Variants in SEMA4A observed in about 807,000 individuals in gnomAD.
The protein encoded by SEMA4A is semaphorin 4A.
Under a neutral mutation model 72.5 loss-of-function variants are expected in SEMA4A, and 52 were observed. The ratio of observed to expected loss-of-function variants is 0.72; its 90% CI spans 0.57 to 0.90. The LOEUF is 0.90. Among genes scored for constraint, SEMA4A ranks in the 40% least tolerant of loss-of-function variants. The probability of loss-of-function intolerance (pLI) is 0.00; values close to 1 mark genes in which losing one functional copy is unlikely to be tolerated. For missense variants in SEMA4A, 926 were observed against 959.7 expected (o/e 0.96, Z 0.46); for synonymous variants, 369 against 393.1 (o/e 0.94, Z 0.73).
At position 156,176,643 on chromosome 1, in the gene SEMA4A, C is replaced by A; in HGVS notation, c.1932C>A (p.Asp644Glu). 6.2e-7 allele frequency: 1 copy of A among 1,614,198 alleles called. No homozygotes were observed. The highest frequency in any genetic ancestry group is 8.5e-7 in the Non-Finnish European group (1 of 1,180,032). The stretch of plus-strand genomic sequence containing the variant: ...TCTCCTACTGGGTGGACAGCCAGGA[C>A]CAGACCCTGGCCCTGGATCCTGAAC... ...PVISYWVDSQ[D>E]QTLALDPELA... Residue 644 changes from aspartate (D) to glutamate (E), a missense_variant, in exon 15 of 15, where the codon GAC (aspartate) becomes GAA (glutamate). Transcript: ENST00000368285.
At position 156,175,561 on chromosome 1, in the gene SEMA4A, C is replaced by A. The variant is rs1655241607; in HGVS notation, c.1598C>A (p.Ser533Tyr). ...TACTTTCTCTGCTCTCTTAGGAACT[C>A]CTGGAAGCAGGACATGGAGCGGGGG... is the stretch of plus-strand genomic sequence containing the variant. Reference protein sequence around the residue: ...CCLLSAPNLNSWKQDMERGNP... With the variant: ...CCLLSAPNLNYWKQDMERGNP... Residue 533 changes from serine to tyrosine, a missense_variant, in exon 14 of 15, where the codon TCC (serine) becomes TAC (tyrosine). Coordinates refer to ENST00000368285, the MANE Select transcript of SEMA4A (RefSeq NM_022367.4). 1 of 1,612,876 alleles carries A rather than the reference C, an allele frequency of 6.2e-7. No homozygotes were observed. Among genetic ancestry groups the A allele is most frequent in the East Asian group, 2.2e-5 (1 of 44,872 alleles).
intron 10 of SEMA4A, among the ~76,000 whole-genome samples, chr1:156,166,977 A>C: frequency 6.6e-6 from 1 of 151,952 alleles, no homozygotes; most frequent in East Asian, 1.9e-4. Context: ...GTTTCTGCCA[A>C]ACAGTCTCGA....
chr1:156,158,334 G>T, intron 4 of SEMA4A, 54 bp from the exon 5 acceptor site: 1 of 1,451,312 alleles, frequency 6.9e-7, no homozygotes, highest in South Asian at 1.1e-5. Flanking sequence ...GCCTCTGGGG[G>T]TCCAGCAATT....
Position 156,154,732 on chromosome 1 carries a change from G to A in SEMA4A, c.139+15G>A. On this transcript the variant is annotated intron_variant, in intron 2 of 14. Coordinates refer to ENST00000368285, the MANE Select transcript of SEMA4A (RefSeq NM_022367.4). ...ATACTATGCAGGTAAGTGTCCGACA[G>A]CAGGAAGTGTGGGGATAGCAATAGA... is the stretch of plus-strand genomic sequence containing the variant. The A allele has an allele frequency of 6.4e-7, 1 of 1,574,470 alleles. No homozygotes were observed. The highest frequency in any genetic ancestry group is 1.2e-5 in the South Asian group (1 of 86,128).
At chr1:156,172,092 G>GTTTATTTA (rs778643587) in intron 10 of SEMA4A, among the ~76,000 whole-genome samples, 47 of 143,954 alleles carry the variant, frequency 3.3e-4, no homozygotes, top group East Asian at 1.2e-3. Flanking sequence ...CTGTTTGTTT[G>GTTTATTTA]TTTGTTTATT....
In SEMA4A at chr1:156,175,546, G is replaced by A. The variant is rs1373506850; in HGVS notation, c.1593-10G>A. The A allele has an allele frequency of 1.9e-6, 3 of 1,605,668 alleles. No individual in the cohort carries two copies. In the East Asian group the frequency reaches 6.7e-5, roughly 36 times the overall value. ...TTGAAGGATAATTTTTACTTTCTCT[G>A]CTCTCTTAGGAACTCCTGGAAGCAG... On this transcript the variant is annotated splice_polypyrimidine_tract_variant and intron_variant, in intron 13 of 14. Transcript: ENST00000368285.
At position 156,176,726 on chromosome 1, in the gene SEMA4A, C is replaced by A; in HGVS notation, c.2015C>A (p.Ala672Asp). Reference protein sequence around the residue: ...KVPLTRVSGGAALAAQQSYWP... With the variant: ...KVPLTRVSGGDALAAQQSYWP... Reference sequence around the variant, plus strand: ...CCGTTGACCAGGGTCAGTGGTGGGGCCGCCCTGGCTGCCCAGCAGTCCTAC... The same window carrying A: ...CCGTTGACCAGGGTCAGTGGTGGGGACGCCCTGGCTGCCCAGCAGTCCTAC... Residue 672 changes from alanine to aspartate, a missense_variant, in exon 15 of 15, where the codon GCC (alanine) becomes GAC (aspartate). Transcript: ENST00000368285. 6.2e-7 allele frequency: 1 copy of A among 1,613,254 alleles called. No homozygotes were observed. The highest frequency in any genetic ancestry group is 1.3e-5 in the African/African-American group (1 of 75,042).
chr1:156,156,119 G>A (rs1360238229), intron 2 of SEMA4A: 2 of 413,596 alleles, frequency 4.8e-6, no homozygotes, highest in East Asian at 1.1e-4. Context: ...CGTCCTCCCC[G>A]ACGGTAGCCC....
At chr1:156,175,529 T>C (rs746217980) in intron 13 of SEMA4A, 27 bp from the exon 14 acceptor site, 1 of 1,574,920 alleles carries the variant, frequency 6.3e-7, no homozygotes, top group Non-Finnish European at 8.7e-7. Context: ...TTTTGAAGGA[T>C]AATTTTTACT....
chr1:156,176,623 T>C lies in SEMA4A; in HGVS notation c.1912T>C (p.Tyr638His). ...ENGFSYPVISYWVDSQDQTLA... is the reference protein window; with the variant it reads ...ENGFSYPVISHWVDSQDQTLA... Reference sequence around the variant, plus strand: ...TGGCTTTTCATACCCTGTGATCTCCTACTGGGTGGACAGCCAGGACCAGAC... The same window carrying C: ...TGGCTTTTCATACCCTGTGATCTCCCACTGGGTGGACAGCCAGGACCAGAC... The change falls in exon 15 of 15, where the codon TAC (tyrosine) becomes CAC (histidine). Residue 638 changes from tyrosine (Y) to histidine (H), a missense_variant. Coordinates refer to ENST00000368285, the MANE Select transcript of SEMA4A (RefSeq NM_022367.4). 6.2e-7 allele frequency: 1 copy of C among 1,614,152 alleles called. No homozygotes were observed. Among genetic ancestry groups the C allele is most frequent in the South Asian group, 1.1e-5 (1 of 91,090 alleles).
chr1:156,165,134 T>G (rs1654042391), intron 10 of SEMA4A, among the ~76,000 whole-genome samples: 1 of 152,080 alleles, frequency 6.6e-6, no homozygotes, highest in Non-Finnish European at 1.5e-5. Flanking sequence ...CCCAAACTCT[T>G]CTTAAATTAT....
At chr1:156,165,776 T>C (rs1192072572) in intron 10 of SEMA4A, among the ~76,000 whole-genome samples, 2 of 152,112 alleles carry the variant, frequency 1.3e-5, no homozygotes, top group African/African-American at 4.8e-5. Flanking sequence ...TTCTGAAATT[T>C]CATGGTGTTG....
chr1:156,175,516 C>A, intron 13 of SEMA4A, 40 bp from the exon 14 acceptor site: 1 of 1,513,648 alleles, frequency 6.6e-7, no homozygotes, highest in Non-Finnish European at 9.1e-7. Context: ...CCACTTTCAG[C>A]TCTTTTGAAG....
Position 156,162,959 on chromosome 1 carries a change from CA to C in SEMA4A, c.1000del (p.Arg334GlyfsTer24), listed in dbSNP as rs756475595. ...CTGTCTCCAGGCAGGTTGGCGGGAC[CA>C]GGAGCTCTGCGGTTTGTGCCTTCTC... ...FTSQWQVGGTRSSAVCAFSLL... is the reference protein window; with the variant it reads ...FTSQWQVGGTXSSAVCAFSLL... On this transcript the variant is annotated frameshift_variant, in exon 10 of 15. Coordinates refer to ENST00000368285, the MANE Select transcript of SEMA4A (RefSeq NM_022367.4). LOFTEE classifies it high-confidence loss of function. 1.7e-5 allele frequency: 27 copies of C among 1,613,730 alleles called. 1 individual carries two copies. The South Asian group carries it at 2.9e-4, about 17-fold the overall frequency.
intron 7 of SEMA4A, 133 bp downstream of exon 7, chr1:156,160,692 C>A: frequency 9.6e-7 from 1 of 1,037,042 alleles, no homozygotes; most frequent in Non-Finnish European, 1.5e-6. Context: ...GGGAAGAAGG[C>A]AAAGCTCCGG....
chr1:156,170,506 C>T (rs1654618164), intron 10 of SEMA4A, among the ~76,000 whole-genome samples: 2 of 144,118 alleles, frequency 1.4e-5, no homozygotes, highest in South Asian at 4.4e-4. Context: ...TGTAATCCCA[C>T]AGCACTTTGG....
rs1354879154 is a variant in SEMA4A, at chr1:156,166,031, C to T, written c.1134+2937C>T. On this transcript the variant is annotated intron_variant, in intron 10 of 14. Transcript: ENST00000368285. ...AAGCACTTCTCCTGCCTCAGCTTCCCGAGTAGCTGGGACTACAGGTGCCCT... is the reference window on the plus strand; with the variant it reads ...AAGCACTTCTCCTGCCTCAGCTTCCTGAGTAGCTGGGACTACAGGTGCCCT... Among the ~76,000 whole-genome samples, 8 of 150,726 alleles carry T rather than the reference C, an allele frequency of 5.3e-5. No homozygotes were observed. In the South Asian group the frequency reaches 6.3e-4, roughly 12 times the overall value.
At position 156,154,697 on chromosome 1, in the gene SEMA4A, C is replaced by G; in HGVS notation, c.119C>G (p.Pro40Arg). The G allele has an allele frequency of 1.3e-6, 2 of 1,587,770 alleles. No homozygotes were observed. Among genetic ancestry groups the G allele is most frequent in the Non-Finnish European group, 1.7e-6 (2 of 1,167,454 alleles). The change falls in exon 2 of 15, where the codon CCC becomes CGC. Residue 40 changes from proline (P) to arginine (R), a missense_variant. Pro to Arg is a moderately radical substitution (Grantham distance 103, BLOSUM62 -2). Transcript: ENST00000368285. Reference protein sequence around the residue: ...TAGGGGQGPMPRVRYYAGDER... With the variant: ...TAGGGGQGPMRRVRYYAGDER... Reference sequence around the variant, plus strand: ...GGGGGAGGCGGGCAGGGGCCCATGCCCAGGGTCAGATACTATGCAGGTAAG... The same window carrying G: ...GGGGGAGGCGGGCAGGGGCCCATGCGCAGGGTCAGATACTATGCAGGTAAG...
intron 13 of SEMA4A, 38 bp from the exon 14 acceptor site, chr1:156,175,518 C>T (rs373822613): frequency 1.8e-5 from 27 of 1,534,942 alleles, no homozygotes; most frequent in Middle Eastern, 1.7e-4. Flanking sequence ...ACTTTCAGCT[C>T]TTTTGAAGGA....
Sources: allele counts gnomAD v4.1 joint callset (sites outside exome capture counted in the v4.1 genomes callset), GRCh38; gene constraint gnomAD v4.1.1; transcripts MANE v1.5; gene names NCBI Gene and HGNC (gene_info 2026-07-23, HGNC 2026-07-21).